Variants in GBE1 observed in about 807,000 individuals in gnomAD.
The protein encoded by GBE1 is 1,4-alpha-glucan-branching enzyme.
GBE1 carries 70 observed loss-of-function variants against 88.8 expected under a neutral mutation model. The ratio of observed to expected loss-of-function variants is 0.79; its 90% CI spans 0.65 to 0.96. GBE1 has a LOEUF of 0.96. GBE1 is among the 40% of genes least tolerant of loss of function. GBE1 has a pLI of 0.00. For synonymous variants in GBE1, 284 were observed against 300.1 expected, an observed-to-expected ratio of 0.95 and a Z score of 0.56; for missense variants, 872 against 871.0, an observed-to-expected ratio of 1.00 and a Z score of -0.01.
intron 7 of GBE1, chr3:81,612,242 A>AAG: frequency 1.3e-5 from 7 of 532,354 alleles, no homozygotes; most frequent in Non-Finnish European, 2.0e-5. Context: ...AAAAAAAAAA[A>AAG]ACTTAAAGAA....
chr3:81,617,124 T>C (rs1338975313), intron 7 of GBE1, among the ~76,000 whole-genome samples: 1 of 152,002 alleles, frequency 6.6e-6, no homozygotes, highest in African/African-American at 2.4e-5. Context: ...GATTCCTTGG[T>C]ATTTTCTATA....
chr3:81,706,062 G>A (rs147991560), intron 1 of GBE1, among the ~76,000 whole-genome samples: 33 of 152,200 alleles, frequency 2.2e-4, no homozygotes, highest in East Asian at 7.7e-4. Context: ...AGGGGCAGAC[G>A]GCAAATATTT....
intron 7 of GBE1, among the ~76,000 whole-genome samples, chr3:81,636,111 T>C (rs1394930465): frequency 6.6e-6 from 1 of 152,182 alleles, no homozygotes; most frequent in Non-Finnish European, 1.5e-5. Flanking sequence ...ATAAACCCTG[T>C]GAGAGAAGTT....
chr3:81,617,613 G>T (rs1466928725), intron 7 of GBE1, among the ~76,000 whole-genome samples: 2 of 151,730 alleles, frequency 1.3e-5, no homozygotes, highest in Non-Finnish European at 2.9e-5. Context: ...TTGCTGAATT[G>T]TATTTGCTAA....
At chr3:81,611,937 A>G (rs536957470) in intron 7 of GBE1, among the ~76,000 whole-genome samples, 3 of 152,282 alleles carry the variant, frequency 2.0e-5, no homozygotes, top group African/African-American at 7.2e-5. Context: ...GATATACTGA[A>G]GAAACACAAG....
At position 81,504,844 on chromosome 3, in the gene GBE1, G is replaced by T. The variant is rs140665608; in HGVS notation, c.1935-5617C>A. The stretch of plus-strand genomic sequence containing the variant: ...CTGTTCAAAGTATAAGGATTTTGAT[G>T]TAAGAAGTACTATCATTTATATCAT... On this transcript the variant is annotated intron_variant, in intron 14 of 15. Coordinates refer to ENST00000429644, the MANE Select transcript of GBE1 (RefSeq NM_000158.4). Among the ~76,000 whole-genome samples, 169 of 152,288 alleles carry T rather than the reference G, an allele frequency of 1.1e-3. 1 individual carries two copies. The East Asian group carries it at 0.028, about 25-fold the overall frequency.
At chr3:81,561,137 T>TA (rs1424338548) in intron 12 of GBE1, among the ~76,000 whole-genome samples, 7 of 151,908 alleles carry the variant, frequency 4.6e-5, no homozygotes, top group Admixed American at 1.3e-4. Flanking sequence ...AACACCAAAT[T>TA]AAAAAAAATT....
chr3:81,611,388 C>A (rs1054404003), intron 7 of GBE1, among the ~76,000 whole-genome samples: 1 of 151,920 alleles, frequency 6.6e-6, no homozygotes, highest in African/African-American at 2.4e-5. Context: ...CCAAGTAATG[C>A]AATAGGAAAA....
At chr3:81,607,568 AC>A (rs1337405146) in intron 7 of GBE1, among the ~76,000 whole-genome samples, 1 of 152,080 alleles carries the variant, frequency 6.6e-6, no homozygotes, top group East Asian at 1.9e-4. Context: ...AAAAACAAAA[AC>A]AAAAAATAAA....
intron 3 of GBE1, among the ~76,000 whole-genome samples, chr3:81,662,444 C>G (rs1377889604): frequency 6.6e-6 from 1 of 152,032 alleles, no homozygotes. Flanking sequence ...ATTTATCCAT[C>G]GGTGGTCCTG....
chr3:81,504,440 A>G (rs1702628772), intron 14 of GBE1, among the ~76,000 whole-genome samples: 1 of 152,034 alleles, frequency 6.6e-6, no homozygotes, highest in African/African-American at 2.4e-5. Flanking sequence ...AAAACACTGG[A>G]TCATAAAATT....
chr3:81,505,430 G>A (rs925756060), intron 14 of GBE1, among the ~76,000 whole-genome samples: 9 of 152,066 alleles, frequency 5.9e-5, no homozygotes, highest in Non-Finnish European at 1.3e-4. Context: ...CACAGGGCTT[G>A]CCACAATGTT....
At chr3:81,595,102 T>C (rs985837662) in intron 7 of GBE1, among the ~76,000 whole-genome samples, 24 of 150,882 alleles carry the variant, frequency 1.6e-4, no homozygotes, top group African/African-American at 5.6e-4. Context: ...AATAAGTTAC[T>C]TTGAGTTTCG....
At chr3:81,738,882 A>C (rs1206553898) in intron 1 of GBE1, among the ~76,000 whole-genome samples, 1 of 152,180 alleles carries the variant, frequency 6.6e-6, no homozygotes, top group Non-Finnish European at 1.5e-5. Flanking sequence ...CTATAACAAA[A>C]TACCTTAGAC....
chr3:81,521,791 AG>A (rs1162951701), intron 14 of GBE1, among the ~76,000 whole-genome samples: 1 of 151,560 alleles, frequency 6.6e-6, no homozygotes. Context: ...TTGGGATTTT[AG>A]GTTGAAATTA....
intron 1 of GBE1, among the ~76,000 whole-genome samples, chr3:81,754,920 T>C (rs1274122327): frequency 3.9e-5 from 6 of 152,026 alleles, no homozygotes; most frequent in Non-Finnish European, 8.8e-5. Flanking sequence ...GTCTCTCACA[T>C]AAAGATTTCT....
chr3:81,510,432 G>C (rs1702709665), intron 14 of GBE1, among the ~76,000 whole-genome samples: 1 of 152,016 alleles, frequency 6.6e-6, no homozygotes, highest in Admixed American at 6.6e-5. Flanking sequence ...CAGTGCTTTA[G>C]AAAGCCGAAG....
chr3:81,493,322 G>T (rs1203726635), intron 15 of GBE1, among the ~76,000 whole-genome samples: 1 of 152,048 alleles, frequency 6.6e-6, no homozygotes, highest in Non-Finnish European at 1.5e-5. Context: ...GACAGGCCTA[G>T]GATAAATAAT....
intron 2 of GBE1, among the ~76,000 whole-genome samples, chr3:81,687,451 G>A (rs897055038): frequency 1.3e-5 from 2 of 152,134 alleles, no homozygotes; most frequent in African/African-American, 2.4e-5. Flanking sequence ...TTGGGAAGTC[G>A]AAAATTTTCC....
Sources: allele counts gnomAD v4.1 joint callset (sites outside exome capture counted in the v4.1 genomes callset), GRCh38; gene constraint gnomAD v4.1.1; transcripts MANE v1.5; gene names NCBI Gene and HGNC (gene_info 2026-07-23, HGNC 2026-07-21).